Variants in VPS45 observed in about 807,000 individuals in gnomAD.
The protein encoded by VPS45 is vacuolar protein sorting 45 homolog.
Under a neutral mutation model 75.9 loss-of-function variants are expected in VPS45, and 35 were observed. The ratio of observed to expected loss-of-function variants is 0.46; its 90% CI spans 0.35 to 0.61. The LOEUF (loss-of-function observed/expected upper bound fraction) is 0.61, where lower values mean the gene tolerates loss of function less well. Ranked by LOEUF, VPS45 falls within the 20% of genes least tolerant of loss-of-function variation. The pLI, the probability that VPS45 is intolerant of heterozygous loss-of-function variation, is 0.00. For missense variants in VPS45, 559 were observed against 685.9 expected, an observed-to-expected ratio of 0.81 and a Z score of 2.07; for synonymous variants, 220 against 238.2, an observed-to-expected ratio of 0.92 and a Z score of 0.70.
At chr1:150,099,403 C>T (rs1553803727) in intron 13 of VPS45, among the ~76,000 whole-genome samples, 1 of 151,394 alleles carries the variant, frequency 6.6e-6, no homozygotes. Flanking sequence ...GTCCCAGCTA[C>T]TTGGGAGGCT....
chr1:150,133,203 G>C (rs1658912993), intron 14 of VPS45, among the ~76,000 whole-genome samples: 1 of 152,112 alleles, frequency 6.6e-6, no homozygotes, highest in Non-Finnish European at 1.5e-5. Context: ...ATTTCCATTT[G>C]TGTTCACTTA....
chr1:150,087,740 C>T (rs587733772), intron 10 of VPS45, among the ~76,000 whole-genome samples: 1 of 152,276 alleles, frequency 6.6e-6, no homozygotes, highest in Admixed American at 6.5e-5. Context: ...GGTTTCTTTT[C>T]ATGAGAGAAT....
chr1:150,130,933 A>G (rs1658801016), intron 14 of VPS45, among the ~76,000 whole-genome samples: 1 of 152,160 alleles, frequency 6.6e-6, no homozygotes, highest in Admixed American at 6.6e-5. Flanking sequence ...TTTCAAACGA[A>G]GAAATAGGAA....
intron 14 of VPS45, among the ~76,000 whole-genome samples, chr1:150,125,069 AT>A (rs1179779626): frequency 6.6e-6 from 1 of 150,970 alleles, no homozygotes; most frequent in East Asian, 1.9e-4. Flanking sequence ...GGTTGTTTAC[AT>A]TTTTTTCACC....
intron 14 of VPS45, among the ~76,000 whole-genome samples, chr1:150,130,257 A>C (rs1384575487): frequency 7.8e-6 from 1 of 128,178 alleles, no homozygotes; most frequent in African/African-American, 3.0e-5. Context: ...GCTGGAGTGC[A>C]GTGATGTGAT....
chr1:150,069,295 G>A (rs1232357144), intron 2 of VPS45, among the ~76,000 whole-genome samples: 1 of 151,284 alleles, frequency 6.6e-6, no homozygotes, highest in African/African-American at 2.4e-5. Context: ...CTAGGCTACT[G>A]TTGGAATGAG....
intron 14 of VPS45, among the ~76,000 whole-genome samples, chr1:150,126,911 G>A (rs1658549855): frequency 6.6e-6 from 1 of 152,126 alleles, no homozygotes; most frequent in Non-Finnish European, 1.5e-5. Context: ...CAAATGTTCA[G>A]AAAGATAAAA....
intron 13 of VPS45, among the ~76,000 whole-genome samples, chr1:150,097,193 C>G (rs1656709020): frequency 1.3e-5 from 2 of 150,358 alleles, no homozygotes; most frequent in Admixed American, 6.7e-5. Context: ...GTTCAAGATT[C>G]TCCTGCCTCA....
chr1:150,082,102 T>C, intron 9 of VPS45, 105 bp downstream of exon 9: 1 of 702,128 alleles, frequency 1.4e-6, no homozygotes, highest in Non-Finnish European at 2.4e-6. Context: ...CTTGATTGAT[T>C]TTATTTGGTT....
chr1:150,070,186 T>G lies in VPS45; in HGVS notation c.228+1422T>G, dbSNP rs922747235. Among the ~76,000 whole-genome samples the G allele has an allele frequency of 1.3e-5, 2 of 152,148 alleles. 1 individual carries two copies. Among genetic ancestry groups the G allele is most frequent in the South Asian group, 4.1e-4 (2 of 4,830 alleles). On this transcript the variant is annotated intron_variant, in intron 2 of 14. Coordinates refer to ENST00000644510, the MANE Select transcript of VPS45 (RefSeq NM_007259.5). ...ACACCATCTTTATCTCCCTATTGTG[T>G]GTAATGGTTTGAACTTTTATATGGT...
chr1:150,138,880 C>G (rs782212485), intron 14 of VPS45, among the ~76,000 whole-genome samples: 25 of 152,182 alleles, frequency 1.6e-4, no homozygotes, highest in Non-Finnish European at 3.1e-4. Flanking sequence ...AGTGGCACAT[C>G]CATTCCTTTA....
chr1:150,125,511 G>C (rs1658463277), intron 14 of VPS45, among the ~76,000 whole-genome samples: 2 of 150,672 alleles, frequency 1.3e-5, no homozygotes, highest in Admixed American at 1.3e-4. Context: ...GGACATGGAT[G>C]AAACTGGAAA....
chr1:150,106,746 G>A (rs781833146), intron 13 of VPS45, among the ~76,000 whole-genome samples: 20 of 152,048 alleles, frequency 1.3e-4, no homozygotes, highest in Non-Finnish European at 2.6e-4. Flanking sequence ...TAAATTTAAA[G>A]CCTTTGGTCC....
intron 14 of VPS45, among the ~76,000 whole-genome samples, chr1:150,124,784 C>T (rs1255703885): frequency 6.6e-6 from 1 of 150,488 alleles, no homozygotes; most frequent in Non-Finnish European, 1.5e-5. Flanking sequence ...GTTTTGAACT[C>T]CTGACCTCAA....
intron 13 of VPS45, among the ~76,000 whole-genome samples, chr1:150,096,861 A>G (rs1553803094): frequency 1.3e-5 from 2 of 152,210 alleles, no homozygotes; most frequent in African/African-American, 4.8e-5. Flanking sequence ...CTTACTGTAT[A>G]GATATTCCTG....
intron 10 of VPS45, among the ~76,000 whole-genome samples, chr1:150,083,840 A>G (rs1655860471): frequency 6.6e-6 from 1 of 152,048 alleles, no homozygotes; most frequent in Non-Finnish European, 1.5e-5. Flanking sequence ...TTGGGCTTTA[A>G]TCTTAAAATG....
intron 13 of VPS45, among the ~76,000 whole-genome samples, chr1:150,100,483 T>G (rs1656918444): frequency 6.6e-6 from 1 of 152,122 alleles, no homozygotes. Context: ...AAAAAATTAT[T>G]TTAAAATTCA....
At chr1:150,132,530 C>G (rs1448922439) in intron 14 of VPS45, among the ~76,000 whole-genome samples, 1 of 152,140 alleles carries the variant, frequency 6.6e-6, no homozygotes, top group African/African-American at 2.4e-5. Flanking sequence ...GCCCTGAGTT[C>G]CATTCCTCTG....
At chr1:150,067,772 A>G (rs1553796139), upstream of VPS45, 1 of 1,363,480 alleles carries the variant, frequency 7.3e-7, no homozygotes, top group Non-Finnish European at 1.0e-6. Flanking sequence ...GGGAGGAAGC[A>G]GCTGAGACCC....
Sources: gnomAD v4.1 joint callset for allele counts (sites outside exome capture counted in the v4.1 genomes callset) on GRCh38, gnomAD v4.1.1 for gene constraint, MANE v1.5 for transcripts, NCBI Gene and HGNC (gene_info 2026-07-23, HGNC 2026-07-21) for gene names.